Variants in CEP97 observed in about 807,000 individuals in gnomAD.
CEP97 encodes the protein centrosomal protein of 97 kDa.
CEP97 carries 43 observed loss-of-function variants against 73.1 expected under a neutral mutation model. The observed-to-expected ratio is 0.59, with a 90% CI of 0.46 to 0.76. The LOEUF (loss-of-function observed/expected upper bound fraction) is 0.76. Among genes scored for constraint, CEP97 ranks in the 30% least tolerant of loss-of-function variants. The pLI is 0.00. For missense variants in CEP97, 939 were observed against 1,014.0 expected, an observed-to-expected ratio of 0.93 and a Z score of 1.00; for synonymous variants, 337 against 370.0, an observed-to-expected ratio of 0.91 and a Z score of 1.02.
intron 6 of CEP97, among the ~76,000 whole-genome samples, chr3:101,732,958 C>CAA (rs35126588): frequency 4.4e-4 from 59 of 133,770 alleles, no homozygotes; most frequent in Middle Eastern, 3.8e-3. Flanking sequence ...GACCACATCT[C>CAA]AAAAAAAAAA....
chr3:101,725,612 C>T (rs1208256718), intron 1 of CEP97, among the ~76,000 whole-genome samples: 2 of 152,166 alleles, frequency 1.3e-5, no homozygotes, highest in African/African-American at 4.8e-5. Context: ...GGGCTCACGA[C>T]TCCTCACATG....
At position 101,762,477 on chromosome 3, in the gene CEP97, T is replaced by G; in HGVS notation, c.1818-8T>G. ...CTTATGTCAATAATGTGTTTTGAAT[T>G]ATTGTAGATTACGAAAAGAAAGAGA... is the stretch of plus-strand genomic sequence containing the variant. On this transcript the variant is annotated splice_region_variant and splice_polypyrimidine_tract_variant and intron_variant, in intron 9 of 10. Coordinates refer to ENST00000341893, the MANE Select transcript of CEP97 (RefSeq NM_024548.4). 1 of 1,582,008 alleles carries G rather than the reference T, an allele frequency of 6.3e-7. No homozygotes were observed. The highest frequency in any genetic ancestry group is 8.7e-7 in the Non-Finnish European group (1 of 1,154,938).
intron 6 of CEP97, among the ~76,000 whole-genome samples, chr3:101,739,011 A>G (rs1418416278): frequency 6.6e-6 from 1 of 152,238 alleles, no homozygotes; most frequent in Non-Finnish European, 1.5e-5. Flanking sequence ...TTGATCCCAT[A>G]GAAATACAAA....
intron 6 of CEP97, among the ~76,000 whole-genome samples, chr3:101,733,558 T>G (rs1453728952): frequency 6.6e-6 from 1 of 151,690 alleles, no homozygotes; most frequent in Non-Finnish European, 1.5e-5. Flanking sequence ...TGAGACGGAG[T>G]CTCGCTCTGT....
chr3:101,755,691 C>T, intron 7 of CEP97, 97 bp downstream of exon 7: 1 of 1,235,990 alleles, frequency 8.1e-7, no homozygotes, highest in Non-Finnish European at 1.2e-6. Context: ...AGTGCTGCGG[C>T]CCACATTTCT....
chr3:101,757,141 C>T lies in CEP97; in HGVS notation c.972C>T (p.Ser324=). The T allele has an allele frequency of 1.2e-6, 2 of 1,613,168 alleles. No homozygotes were observed. The highest frequency in any genetic ancestry group is 1.7e-6 in the Non-Finnish European group (2 of 1,179,732). The change falls in exon 8 of 11, where the codon TCC becomes TCT. Residue 324 remains serine (S), a synonymous_variant. Transcript: ENST00000341893. ...SPLVPVETRA[S]LIPEHSSPVQ... ...TTGTTCCTGTTGAAACAAGGGCATC[C>T]CTTATTCCTGAGCATTCAAGCCCTG...
At chr3:101,733,715 A>T (rs1222792721) in intron 6 of CEP97, among the ~76,000 whole-genome samples, 1 of 151,798 alleles carries the variant, frequency 6.6e-6, no homozygotes, top group Non-Finnish European at 1.5e-5. Context: ...TATTTTTAGT[A>T]GAGACGGGGT....
intron 6 of CEP97, among the ~76,000 whole-genome samples, chr3:101,748,279 A>G (rs527468179): frequency 1.3e-5 from 2 of 149,440 alleles, no homozygotes; most frequent in African/African-American, 4.9e-5. Flanking sequence ...TTGTGTAGGG[A>G]TAAGTTTATT....
Position 101,758,342 on chromosome 3 carries a change from C to T in CEP97, c.1736C>T (p.Pro579Leu). Residue 579 changes from proline (P) to leucine (L), a missense_variant, in exon 9 of 11, where the codon CCT becomes CTT. Transcript: ENST00000341893. ...GGATTTTATGCCAGGAACTACAACC[C>T]TCAAGCCAAAGATGTGCGTTACGAA... is the stretch of plus-strand genomic sequence containing the variant. ...WRGFYARNYNPQAKDVRYEIR... is the reference protein window; with the variant it reads ...WRGFYARNYNLQAKDVRYEIR... 1 of 1,614,188 alleles carries T rather than the reference C, an allele frequency of 6.2e-7. No homozygotes were observed. The highest frequency in any genetic ancestry group is 8.5e-7 in the Non-Finnish European group (1 of 1,180,034).
intron 8 of CEP97, 50 bp downstream of exon 8, chr3:101,757,246 G>T (rs1265292762): frequency 1.9e-6 from 3 of 1,561,982 alleles, no homozygotes; most frequent in Non-Finnish European, 2.6e-6. Context: ...TGTTTAATTT[G>T]TCGGGTATCA....
At chr3:101,732,097 C>T (rs1938132305) in intron 5 of CEP97, 144 bp downstream of exon 5, 5 of 621,810 alleles carry the variant, frequency 8.0e-6, no homozygotes, top group Admixed American at 3.0e-5. Flanking sequence ...TAGATCTTTC[C>T]ACTTTTCCTT....
At chr3:101,746,651 TG>T (rs1423448862) in intron 6 of CEP97, among the ~76,000 whole-genome samples, 2 of 151,874 alleles carry the variant, frequency 1.3e-5, no homozygotes, top group African/African-American at 4.8e-5. Context: ...CCAAAAGCAA[TG>T]GCAACAAAAG....
At position 101,757,962 on chromosome 3, in the gene CEP97, G is replaced by GGA; in HGVS notation, c.1357_1358dup (p.Gln454AsnfsTer14). On this transcript the variant is annotated frameshift_variant, in exon 9 of 11. Coordinates refer to ENST00000341893, the MANE Select transcript of CEP97 (RefSeq NM_024548.4). LOFTEE classifies it high-confidence loss of function. ...AAAGCCAGGTGTTGGATAAGGAAGA[G>GGA]GAACAGCCTTTATGGGCTGCAAATG... The GGA allele has an allele frequency of 6.2e-7, 1 of 1,614,200 alleles. No homozygotes were observed. The highest frequency in any genetic ancestry group is 8.5e-7 in the Non-Finnish European group (1 of 1,180,028).
intron 6 of CEP97, among the ~76,000 whole-genome samples, chr3:101,753,072 G>A (rs1316114529): frequency 6.6e-6 from 1 of 152,048 alleles, no homozygotes; most frequent in East Asian, 1.9e-4. Context: ...ATGGGTTTTT[G>A]GTGTGGATGT....
intron 6 of CEP97, among the ~76,000 whole-genome samples, chr3:101,745,390 A>G (rs888504953): frequency 1.3e-5 from 2 of 152,162 alleles, no homozygotes; most frequent in African/African-American, 4.8e-5. Context: ...CCTCCTGAGT[A>G]GCTGGGAATA....
rs552580673 is a variant in CEP97, at chr3:101,765,399, G to A, written c.2446G>A (p.Ala816Thr). The A allele has an allele frequency of 4.2e-5, 68 of 1,614,158 alleles. No homozygotes were observed. The East Asian group carries it at 1.4e-3, about 33-fold the overall frequency. ...ACAGTTAGATACATTGTCTGACGGT[G>A]CTTCTGTAGATGAGAGTCATGGCAT... Reference protein sequence around the residue: ...PVQLDTLSDGASVDESHGISP... With the variant: ...PVQLDTLSDGTSVDESHGISP... The change falls in exon 11 of 11, where the codon GCT becomes ACT. Residue 816 changes from alanine (A) to threonine (T), a missense_variant. Physicochemically the swap from Ala to Thr is moderately conservative, Grantham distance 58. Transcript: ENST00000341893.
intron 9 of CEP97, among the ~76,000 whole-genome samples, chr3:101,761,297 T>A (rs1385315635): frequency 1.3e-5 from 2 of 152,154 alleles, no homozygotes; most frequent in Admixed American, 6.5e-5. Flanking sequence ...GTGGTTGGTG[T>A]TGGGTGCTTA....
chr3:101,751,046 A>G (rs1311856718), intron 6 of CEP97, among the ~76,000 whole-genome samples: 1 of 152,130 alleles, frequency 6.6e-6, no homozygotes, highest in African/African-American at 2.4e-5. Flanking sequence ...TCTTGTGGGC[A>G]TTTAGTGCTA....
Position 101,764,858 on chromosome 3 carries a change from A to G in CEP97, c.1905A>G (p.Leu635=). The change falls in exon 11 of 11, where the codon CTA becomes CTG. Residue 635 remains leucine (L), a synonymous_variant. Coordinates refer to ENST00000341893, the MANE Select transcript of CEP97 (RefSeq NM_024548.4). ...TCTCTGGTTTATAGGTAAGGTCTCT[A>G]CAGGTTTGGCAACAGACAGTGGACC... ...FRFLWNQVRS[L]QVWQQTVDQR... 6.2e-7 allele frequency: 1 copy of G among 1,607,186 alleles called. No homozygotes were observed.
Sources: gnomAD v4.1 joint callset for allele counts (sites outside exome capture counted in the v4.1 genomes callset) on GRCh38, gnomAD v4.1.1 for gene constraint, MANE v1.5 for transcripts, NCBI Gene and HGNC (gene_info 2026-07-23, HGNC 2026-07-21) for gene names.